CPNE4: variants seen among roughly 807,000 people sequenced by gnomAD.
CPNE4 encodes copine-4.
CPNE4 carries 25 observed loss-of-function variants against 67.9 expected under a neutral mutation model. The observed-to-expected ratio is 0.37, with a 90% CI of 0.27 to 0.51. The LOEUF (loss-of-function observed/expected upper bound fraction) is 0.51. Ranked by LOEUF, CPNE4 falls within the 20% of genes least tolerant of loss-of-function variation. CPNE4 has a pLI of 0.93. For synonymous variants in CPNE4, 242 were observed against 244.9 expected (o/e 0.99, Z 0.11); for missense variants, 464 against 690.8 (o/e 0.67, Z 3.68).
intron 2 of CPNE4, among the ~76,000 whole-genome samples, chr3:131,847,140 T>C (rs1436909733): frequency 1.3e-5 from 2 of 152,214 alleles, no homozygotes; most frequent in East Asian, 3.9e-4. Context: ...CAGGTGTGTG[T>C]TCCTGCCATT....
rs2074308098 is a variant in CPNE4 at position 132,034,637 on chromosome 3, G to GCAAAATCCGGCTTTGAAGTGGAGGT, written c.-97_-73dup. Reference sequence around the variant, plus strand: ...ACGAGGTCTGTCCCGCCCCCAGGATGCAAAATCCGGCTTTGAAGTGGAGGT... The same window carrying GCAAAATCCGGCTTTGAAGTGGAGGT: ...ACGAGGTCTGTCCCGCCCCCAGGATGCAAAATCCGGCTTTGAAGTGGAGGTCAAAATCCGGCTTTGAAGTGGAGGT... On this transcript the variant is annotated 5_prime_UTR_variant, in exon 1 of 16. Coordinates refer to ENST00000429747, the MANE Select transcript of CPNE4 (RefSeq NM_130808.3). 2.0e-6 allele frequency: 2 copies of GCAAAATCCGGCTTTGAAGTGGAGGT among 985,368 alleles called. No homozygotes were observed. The highest frequency in any genetic ancestry group is 6.2e-5 in the Admixed American group (1 of 16,260). 61.0% of individuals were successfully genotyped at this position (985,368 alleles called of 1,614,324 possible). A position where few individuals can be genotyped will look rare whatever the true frequency, so the allele number is the denominator to read the frequency against.
intron 7 of CPNE4, among the ~76,000 whole-genome samples, chr3:131,603,770 A>G (rs536605067): frequency 1.2e-4 from 19 of 152,168 alleles, no homozygotes; most frequent in Non-Finnish European, 2.1e-4. Context: ...CAGCATTCTG[A>G]AAAGATTTTC....
At chr3:131,603,541 A>G (rs1366251328) in intron 7 of CPNE4, among the ~76,000 whole-genome samples, 2 of 152,142 alleles carry the variant, frequency 1.3e-5, no homozygotes, top group Non-Finnish European at 2.9e-5. Context: ...AGTGATATAG[A>G]AATCCATATT....
chr3:132,037,444 T>C, upstream of CPNE4: 1 of 792,092 alleles, frequency 1.3e-6, no homozygotes, highest in Non-Finnish European at 2.1e-6. Flanking sequence ...AATGAAGATT[T>C]GTAACCAGCT....
At chr3:131,906,221 GTTTTGTTTTGTTTTA>G (rs2088749777) in intron 1 of CPNE4, among the ~76,000 whole-genome samples, 1 of 150,132 alleles carries the variant, frequency 6.7e-6, no homozygotes, top group African/African-American at 2.5e-5. Context: ...TGTTGTTGTT[GTTTTGTTTTGTTTTA>G]TTTTGTTTTT....
At chr3:131,963,385 G>A (rs2072241637) in intron 1 of CPNE4, among the ~76,000 whole-genome samples, 1 of 151,886 alleles carries the variant, frequency 6.6e-6, no homozygotes. Context: ...ACCCCAGCGA[G>A]ACAGAACCGT....
chr3:131,601,729 T>C (rs887706230), intron 7 of CPNE4, among the ~76,000 whole-genome samples: 2 of 152,158 alleles, frequency 1.3e-5, no homozygotes, highest in Admixed American at 6.5e-5. Flanking sequence ...AGAATTGGAA[T>C]GTAATCTGTC....
intron 2 of CPNE4, among the ~76,000 whole-genome samples, chr3:131,826,384 G>T (rs1000655271): frequency 6.6e-5 from 10 of 152,012 alleles, no homozygotes; most frequent in African/African-American, 2.4e-4. Context: ...TCTTTGTAAA[G>T]ATGGGGTCTC....
chr3:131,628,256 C>T (rs2079127854), intron 7 of CPNE4, among the ~76,000 whole-genome samples: 2 of 152,066 alleles, frequency 1.3e-5, no homozygotes, highest in African/African-American at 4.8e-5. Flanking sequence ...GAAGGCATAC[C>T]CAAGACTGGG....
At chr3:131,951,909 G>A (rs1181411779) in intron 1 of CPNE4, among the ~76,000 whole-genome samples, 19 of 150,218 alleles carry the variant, frequency 1.3e-4, no homozygotes, top group African/African-American at 2.9e-4. Context: ...ATCTCGGCTC[G>A]CTACAACCTC....
intron 2 of CPNE4, among the ~76,000 whole-genome samples, chr3:131,795,066 G>A (rs1482437636): frequency 2.0e-5 from 3 of 152,286 alleles, no homozygotes; most frequent in Non-Finnish European, 2.9e-5. Flanking sequence ...TGAAAACTCC[G>A]CTATTGAGAG....
intron 2 of CPNE4, among the ~76,000 whole-genome samples, chr3:131,891,522 G>A (rs2088113478): frequency 1.3e-5 from 2 of 151,724 alleles, no homozygotes; most frequent in African/African-American, 4.8e-5. Context: ...TCATCACCCA[G>A]GTATTAAGCC....
chr3:131,849,001 C>T (rs936990070), intron 2 of CPNE4, among the ~76,000 whole-genome samples: 1 of 146,140 alleles, frequency 6.8e-6, no homozygotes, highest in African/African-American at 2.6e-5. Context: ...TATCATCCAC[C>T]TCCTCTTTCT....
Position 131,548,960 on chromosome 3 carries a change from A to G in CPNE4, c.1302+987T>C, listed in dbSNP as rs570431350. ...GGCAAAGCAGAGTCAAGGGGGAGAT[A>G]TTAACTTAAAGCAGGAGATATTATT... On this transcript the variant is annotated intron_variant, in intron 14 of 15. Transcript: ENST00000429747. Among the ~76,000 whole-genome samples, 3 of 152,312 alleles carry G rather than the reference A, an allele frequency of 2.0e-5. No homozygotes were observed. In the South Asian group the frequency reaches 6.2e-4, roughly 32 times the overall value.
intron 2 of CPNE4, among the ~76,000 whole-genome samples, chr3:131,766,926 T>C (rs2083032696): frequency 6.6e-6 from 1 of 152,108 alleles, no homozygotes; most frequent in South Asian, 2.1e-4. Context: ...AATGCTGCTG[T>C]AAACTCAAAG....
chr3:132,007,674 T>C (rs1256624529), intron 1 of CPNE4, among the ~76,000 whole-genome samples: 1 of 152,150 alleles, frequency 6.6e-6, no homozygotes, highest in Non-Finnish European at 1.5e-5. Context: ...TCACATGCTA[T>C]GTTTCCAAGC....
intron 1 of CPNE4, among the ~76,000 whole-genome samples, chr3:131,914,439 T>C (rs1438487499): frequency 1.3e-5 from 2 of 152,096 alleles, no homozygotes; most frequent in Non-Finnish European, 2.9e-5. Flanking sequence ...CTAAGTCCTT[T>C]AGATTTTAGA....
At chr3:131,758,101 G>A (rs936357481) in intron 2 of CPNE4, among the ~76,000 whole-genome samples, 1 of 152,164 alleles carries the variant, frequency 6.6e-6, no homozygotes. Context: ...GTCCCTACTG[G>A]GGCACCACCT....
At chr3:131,732,861 A>G (rs1418078292) in intron 2 of CPNE4, among the ~76,000 whole-genome samples, 2 of 152,240 alleles carry the variant, frequency 1.3e-5, no homozygotes, top group Admixed American at 6.5e-5. Flanking sequence ...TGATTAATGA[A>G]TTATGGGCTT....
Sources: allele counts gnomAD v4.1 joint callset (sites outside exome capture counted in the v4.1 genomes callset), GRCh38; gene constraint gnomAD v4.1.1; transcripts MANE v1.5; gene names NCBI Gene and HGNC (gene_info 2026-07-23, HGNC 2026-07-21).